NRG2: variants seen among roughly 807,000 people sequenced by gnomAD.
NRG2 encodes neuregulin 2.
NRG2 carries 27 observed loss-of-function variants against 73.9 expected under a neutral mutation model. The ratio of observed to expected loss-of-function variants is 0.37; its 90% CI spans 0.27 to 0.50. The LOEUF is 0.50. Among genes scored for constraint, NRG2 ranks in the 20% least tolerant of loss-of-function variants. The pLI is 0.96. For missense variants in NRG2, 1,126 were observed against 1,210.1 expected (o/e 0.93, Z 1.03); for synonymous variants, 532 against 541.0 (o/e 0.98, Z 0.23).
chr5:139,862,170 C>T (rs1000787848), intron 5 of NRG2, among the ~76,000 whole-genome samples: 6 of 152,172 alleles, frequency 3.9e-5, no homozygotes, highest in Non-Finnish European at 8.8e-5. Context: ...GCTCCCAAAG[C>T]CCTTTAAGCG....
In NRG2 at chr5:140,042,459, G is replaced by C; in HGVS notation, c.611C>G (p.Pro204Arg). 1 of 1,613,074 alleles carries C rather than the reference G, an allele frequency of 6.2e-7. No homozygotes were observed. Among genetic ancestry groups the C allele is most frequent in the Non-Finnish European group, 8.5e-7 (1 of 1,179,654 alleles). ...YIFFLEPTEQ[P>R]LVFKTAFAPL... is the part of the protein sequence containing the mutation. ...GGCAAAGGCCGTCTTAAAGACTAAG[G>C]GCTGTTCCGTGGGCTCCAGGAAAAA... is the stretch of plus-strand genomic sequence containing the variant. Residue 204 changes from proline to arginine, a missense_variant, in exon 1 of 10, where the codon CCC (proline) becomes CGC (arginine). Transcript: ENST00000361474.
chr5:140,012,909 C>T (rs115664700), intron 1 of NRG2, among the ~76,000 whole-genome samples: 2,618 of 152,296 alleles, frequency 0.017, 86 homozygotes, highest in African/African-American at 0.059. Context: ...GAAATGCACA[C>T]AATCACCTAG....
chr5:139,902,891 G>C lies in NRG2; in HGVS notation c.701-15380C>G, dbSNP rs78206860. 4.8e-3 allele frequency among the ~76,000 whole-genome samples: 724 copies of C among 152,332 alleles called. 5 individuals carry two copies. Among genetic ancestry groups the C allele is most frequent in the African/African-American group, 0.016 (680 of 41,576 alleles). On this transcript the variant is annotated intron_variant, in intron 1 of 9. Transcript: ENST00000361474. ...AGCAGACCACCTGTCCTTGGGAAGA[G>C]CTATAAGACACACTTGTCTGGCAGA...
At chr5:139,931,609 A>G (rs968810295) in intron 1 of NRG2, among the ~76,000 whole-genome samples, 3 of 152,262 alleles carry the variant, frequency 2.0e-5, no homozygotes, top group Non-Finnish European at 4.4e-5. Context: ...TAAAGAATTC[A>G]AAGGATTTAT....
chr5:139,955,488 G>T (rs551572262), intron 1 of NRG2, among the ~76,000 whole-genome samples: 3 of 152,240 alleles, frequency 2.0e-5, no homozygotes, highest in South Asian at 4.2e-4. Context: ...AAGGTGAAAG[G>T]CTACATAAAC....
At chr5:139,938,932 A>AG (rs1753118076) in intron 1 of NRG2, among the ~76,000 whole-genome samples, 4 of 145,186 alleles carry the variant, frequency 2.8e-5, no homozygotes, top group Admixed American at 2.7e-4. Flanking sequence ...AAAGAAAGAA[A>AG]GAAAGAAAGA....
At chr5:139,979,289 A>G (rs980272262) in intron 1 of NRG2, among the ~76,000 whole-genome samples, 2 of 152,196 alleles carry the variant, frequency 1.3e-5, no homozygotes, top group East Asian at 3.9e-4. Flanking sequence ...CCTACGTTCA[A>G]ATTCTAAATC....
Position 139,853,123 on chromosome 5 carries a change from G to A in NRG2, c.1293-96C>T. ...CTCTAGGGAAACAGCTTTTCCTCCT[G>A]CCCAGGGTGGCCATGGCTACTGCTC... On this transcript the variant is annotated intron_variant, in intron 6 of 9. Coordinates refer to ENST00000361474, the MANE Select transcript of NRG2 (RefSeq NM_004883.3). This position sits in a 1 kb window ranked among gnomAD's most constrained non-coding sequence, Gnocchi z 4.1. 1.9e-6 allele frequency: 3 copies of A among 1,539,324 alleles called. No homozygotes were observed. Among genetic ancestry groups the A allele is most frequent in the Non-Finnish European group, 1.8e-6 (2 of 1,136,604 alleles).
At position 139,865,273 on chromosome 5, in the gene NRG2, T is replaced by C; in HGVS notation, c.1189+276A>G. ...CTCCTGCCAATGCCAGCTGGGTTCC[T>C]TGCCACCGTTACCATTTGTATTGGC... is the stretch of plus-strand genomic sequence containing the variant. On this transcript the variant is annotated intron_variant, in intron 5 of 9. Coordinates refer to ENST00000361474, the MANE Select transcript of NRG2 (RefSeq NM_004883.3). The surrounding 1 kb of genome is among the most constrained non-coding windows in gnomAD (Gnocchi z 5.2). The C allele has an allele frequency of 1.0e-6, 1 of 977,154 alleles. No homozygotes were observed. Among genetic ancestry groups the C allele is most frequent in the South Asian group, 1.3e-5 (1 of 75,164 alleles). 60.5% of individuals were successfully genotyped at this position (977,154 alleles called of 1,614,324 possible).
At chr5:140,021,363 A>G (rs935010232) in intron 1 of NRG2, among the ~76,000 whole-genome samples, 1 of 152,204 alleles carries the variant, frequency 6.6e-6, no homozygotes, top group East Asian at 1.9e-4. Flanking sequence ...AGCAGGTCCA[A>G]TGAAAAATTC....
rs1428737830 is a variant in NRG2 at position 140,043,005 on chromosome 5, T to C, written c.65A>G (p.Tyr22Cys). The C allele has an allele frequency of 1.3e-6, 2 of 1,566,918 alleles. No homozygotes were observed. The highest frequency in any genetic ancestry group is 1.1e-5 in the South Asian group (1 of 87,044). ...GCTGCTGCTGCTGCTGCTGTCGCTG[T>C]AGCTGCTGCACCGACCCTTCTCCAG... ...PPLEKGRCSS[Y>C]SDSSSSSSER... Residue 22 changes from tyrosine to cysteine, a missense_variant, in exon 1 of 10, where the codon TAC (tyrosine) becomes TGC (cysteine). This residue lies in a region of NRG2 where 185 missense variants were observed against 149.0 expected (regional missense o/e 1.24). Coordinates refer to ENST00000361474, the MANE Select transcript of NRG2 (RefSeq NM_004883.3). This position sits in a 1 kb window ranked among gnomAD's most constrained non-coding sequence, Gnocchi z 6.7.
Position 139,865,317 on chromosome 5 carries a change from A to G in NRG2, c.1189+232T>C. The G allele has an allele frequency of 1.3e-6, 1 of 778,476 alleles. No homozygotes were observed. The highest frequency in any genetic ancestry group is 1.5e-5 in the South Asian group (1 of 68,272). 48.2% of individuals were successfully genotyped at this position (778,476 alleles called of 1,614,324 possible). ...TATTGGCCTTGCCACTCTGCCCCTTACCTGCAGCCCTGAACTTTAAACCCA... is the reference window on the plus strand; with the variant it reads ...TATTGGCCTTGCCACTCTGCCCCTTGCCTGCAGCCCTGAACTTTAAACCCA... On this transcript the variant is annotated intron_variant, in intron 5 of 9. Transcript: ENST00000361474. The surrounding 1 kb of genome is among the most constrained non-coding windows in gnomAD (Gnocchi z 5.2).
chr5:139,943,504 T>C (rs1451526493), intron 1 of NRG2, among the ~76,000 whole-genome samples: 1 of 152,236 alleles, frequency 6.6e-6, no homozygotes, highest in Admixed American at 6.5e-5. Flanking sequence ...ATTTTAAATT[T>C]TCTAATTTTT....
chr5:139,957,001 T>C (rs1011565819), intron 1 of NRG2, among the ~76,000 whole-genome samples: 1 of 152,024 alleles, frequency 6.6e-6, no homozygotes, highest in Non-Finnish European at 1.5e-5. Flanking sequence ...CATCAGCACT[T>C]TGAAAGGAAC....
intron 1 of NRG2, among the ~76,000 whole-genome samples, chr5:139,970,450 G>A (rs914441057): frequency 6.6e-6 from 1 of 151,474 alleles, no homozygotes; most frequent in Admixed American, 6.6e-5. Flanking sequence ...CACTGGAGGG[G>A]CCCTCAAGAG....
At chr5:139,911,712 T>C (rs2127196097) in intron 1 of NRG2, among the ~76,000 whole-genome samples, 1 of 152,272 alleles carries the variant, frequency 6.6e-6, no homozygotes, top group Admixed American at 6.5e-5. Flanking sequence ...TGGGTGACCC[T>C]GAGCCACAGT....
chr5:139,996,467 G>A (rs546055708), intron 1 of NRG2, among the ~76,000 whole-genome samples: 1 of 152,114 alleles, frequency 6.6e-6, no homozygotes, highest in Non-Finnish European at 1.5e-5. Context: ...CTTGTCCCCA[G>A]GATCCTTAAA....
At chr5:139,934,071 T>C (rs888877331) in intron 1 of NRG2, among the ~76,000 whole-genome samples, 2 of 152,124 alleles carry the variant, frequency 1.3e-5, no homozygotes, top group African/African-American at 2.4e-5. Flanking sequence ...TGGTGGCACA[T>C]GCCTGTGGTC....
intron 1 of NRG2, among the ~76,000 whole-genome samples, chr5:140,033,018 C>T (rs115845762): frequency 7.6e-4 from 115 of 152,284 alleles, no homozygotes; most frequent in Non-Finnish European, 1.4e-3. Flanking sequence ...GAGTAAGTTT[C>T]ATACTTTCAT....
Sources: allele counts gnomAD v4.1 joint callset (sites outside exome capture counted in the v4.1 genomes callset), GRCh38; gene constraint gnomAD v4.1.1; regional missense constraint gnomAD v4.1.1; non-coding constraint Gnocchi (gnomAD v3.1); transcripts MANE v1.5; gene names NCBI Gene and HGNC (gene_info 2026-07-23, HGNC 2026-07-21).